Variants in FAM210A observed in about 807,000 individuals in gnomAD.
FAM210A encodes family with sequence similarity 210 member A.
A neutral mutation model predicts 25.3 loss-of-function variants in FAM210A; 13 were observed. The ratio of observed to expected loss-of-function variants is 0.51; its 90% CI spans 0.33 to 0.82. The LOEUF is 0.82. Ranked by LOEUF, FAM210A falls within the 40% of genes least tolerant of loss-of-function variation. The pLI is 0.02. For missense variants in FAM210A, 319 were observed against 323.2 expected (o/e 0.99, Z 0.10); for synonymous variants, 125 against 118.7 (o/e 1.05, Z -0.35).
At chr18:13,698,428 G>A (rs1272615113) in intron 1 of FAM210A, among the ~76,000 whole-genome samples, 3 of 150,596 alleles carry the variant, frequency 2.0e-5, no homozygotes, top group African/African-American at 7.3e-5. Flanking sequence ...GAGAATATCC[G>A]AGGATCCTAA....
In FAM210A at chr18:13,668,099, C is replaced by A. The variant is rs575300844; in HGVS notation, c.586-1386G>T. ...CAAAATGCATAGGTGTGTTGTATAACAAAACTTTGAAAGAGCTGTCTGCTC... is the reference window on the plus strand; with the variant it reads ...CAAAATGCATAGGTGTGTTGTATAAAAAAACTTTGAAAGAGCTGTCTGCTC... On this transcript the variant is annotated intron_variant, in intron 3 of 3. Coordinates refer to ENST00000651643, the MANE Select transcript of FAM210A (RefSeq NM_152352.4). Among the ~76,000 whole-genome samples, 11 of 152,278 alleles carry A rather than the reference C, an allele frequency of 7.2e-5. No homozygotes were observed. In the South Asian group the frequency reaches 2.1e-3, roughly 29 times the overall value.
At chr18:13,678,874 G>C (rs2043525936) in intron 2 of FAM210A, among the ~76,000 whole-genome samples, 1 of 152,192 alleles carries the variant, frequency 6.6e-6, no homozygotes, top group Non-Finnish European at 1.5e-5. Context: ...CAGTGGATCT[G>C]TAACTTTAGG....
intron 2 of FAM210A, among the ~76,000 whole-genome samples, chr18:13,677,695 G>T (rs116846085): frequency 0.01 from 1,532 of 152,188 alleles, 16 homozygotes; most frequent in Non-Finnish European, 0.016. Flanking sequence ...GACAATACGA[G>T]GGGTGGTCTC....
At position 13,680,592 on chromosome 18, in the gene FAM210A, A is replaced by G. The variant is rs550438562; in HGVS notation, c.473+1013T>C. ...AGCTACTTATAGCTTAGTCTGCAAT[A>G]GGCTGCTTCTAAAGAGTGAGCTTTA... On this transcript the variant is annotated intron_variant, in intron 2 of 3. Transcript: ENST00000651643. 2.9e-4 allele frequency among the ~76,000 whole-genome samples: 44 copies of G among 152,362 alleles called. 1 individual carries two copies. Among genetic ancestry groups the G allele is most frequent in the Admixed American group, 2.5e-3 (38 of 15,302 alleles).
intron 3 of FAM210A, among the ~76,000 whole-genome samples, chr18:13,669,138 T>C (rs1332935901): frequency 6.6e-6 from 1 of 152,144 alleles, no homozygotes. Context: ...AGAATCCAAC[T>C]ACTTCCTGCT....
At chr18:13,721,860 A>G (rs957204199) in intron 1 of FAM210A, among the ~76,000 whole-genome samples, 1 of 152,166 alleles carries the variant, frequency 6.6e-6, no homozygotes, top group Non-Finnish European at 1.5e-5. Context: ...ATCTGTGAGA[A>G]GTCTAATTAT....
chr18:13,693,316 C>G (rs1186651767), intron 1 of FAM210A, among the ~76,000 whole-genome samples: 3 of 152,186 alleles, frequency 2.0e-5, no homozygotes, highest in Non-Finnish European at 4.4e-5. Flanking sequence ...ACCAGAGGTA[C>G]AAAGAGGAGC....
chr18:13,725,481 T>A (rs747089297), intron 1 of FAM210A, among the ~76,000 whole-genome samples: 8 of 152,188 alleles, frequency 5.3e-5, no homozygotes, highest in Non-Finnish European at 8.8e-5. Flanking sequence ...TTCATTAATA[T>A]ACCTGTGCCT....
At chr18:13,706,578 A>C (rs1239027541) in intron 1 of FAM210A, among the ~76,000 whole-genome samples, 3 of 152,336 alleles carry the variant, frequency 2.0e-5, no homozygotes, top group South Asian at 2.1e-4. Context: ...CATTGCCAGG[A>C]GGCCTTCACT....
chr18:13,717,762 A>G (rs946624407), intron 1 of FAM210A, among the ~76,000 whole-genome samples: 1 of 152,228 alleles, frequency 6.6e-6, no homozygotes, highest in Non-Finnish European at 1.5e-5. Flanking sequence ...CCAGAATGTC[A>G]GGTTTAAAAA....
chr18:13,671,414 C>A (rs1031397232), intron 3 of FAM210A, among the ~76,000 whole-genome samples: 1 of 152,056 alleles, frequency 6.6e-6, no homozygotes, highest in South Asian at 2.1e-4. Flanking sequence ...CATTTATCAA[C>A]GGGAGCAATG....
intron 1 of FAM210A, among the ~76,000 whole-genome samples, chr18:13,697,037 T>A (rs1328579369): frequency 2.0e-5 from 3 of 152,200 alleles, no homozygotes; most frequent in Non-Finnish European, 4.4e-5. Flanking sequence ...TATTTACATG[T>A]TACAATTGCT....
intron 1 of FAM210A, among the ~76,000 whole-genome samples, chr18:13,715,816 G>C (rs1191232279): frequency 6.6e-6 from 1 of 151,972 alleles, no homozygotes; most frequent in African/African-American, 2.4e-5. Flanking sequence ...TTCCCATTTC[G>C]GCTAAATTTC....
intron 3 of FAM210A, 96 bp downstream of exon 3, chr18:13,671,766 G>A (rs191580000): frequency 3.2e-5 from 22 of 692,402 alleles, no homozygotes; most frequent in East Asian, 1.8e-4. Context: ...TTCAAGTTAC[G>A]AAATACAATT....
chr18:13,700,245 C>A (rs750470869), intron 1 of FAM210A, among the ~76,000 whole-genome samples: 1 of 152,170 alleles, frequency 6.6e-6, no homozygotes, highest in African/African-American at 2.4e-5. Flanking sequence ...AATTTGATAA[C>A]CCTTCCATTG....
chr18:13,674,161 T>C (rs2043471216), intron 2 of FAM210A, among the ~76,000 whole-genome samples: 1 of 150,882 alleles, frequency 6.6e-6, no homozygotes, highest in Non-Finnish European at 1.5e-5. Flanking sequence ...GTTTCCTGAT[T>C]ATTAACATTC....
Position 13,666,392 on chromosome 18 carries a change from C to A in FAM210A, c.*88G>T, listed in dbSNP as rs1400682666. 2 of 1,111,232 alleles carry A rather than the reference C, an allele frequency of 1.8e-6. No homozygotes were observed. Among genetic ancestry groups the A allele is most frequent in the Admixed American group, 5.2e-5 (2 of 38,684 alleles). The allele number at this position is 1,111,232 out of a possible 1,614,324, so 68.8% of individuals were successfully genotyped here. A position where few individuals can be genotyped will look rare whatever the true frequency, so the allele number is the denominator to read the frequency against. The stretch of plus-strand genomic sequence containing the variant: ...GAACTAGTATATTTCGGCAACTAAC[C>A]AAAAAAATAATCAGACACATGTATC... On this transcript the variant is annotated 3_prime_UTR_variant, in exon 4 of 4. Transcript: ENST00000651643.
chr18:13,674,983 C>T (rs1295917194), intron 2 of FAM210A, among the ~76,000 whole-genome samples: 1 of 149,026 alleles, frequency 6.7e-6, no homozygotes, highest in Non-Finnish European at 1.5e-5. Flanking sequence ...TGAGCCCTGG[C>T]TTCTTTATTT....
At position 13,664,225 on chromosome 18, in the gene FAM210A, C is replaced by A. The variant is rs921934710; in HGVS notation, c.*2255G>T. 1 of 152,156 alleles carries A rather than the reference C, an allele frequency of 6.6e-6. No individual in the cohort carries two copies. The highest frequency in any genetic ancestry group is 2.4e-5 in the African/African-American group (1 of 41,442). The allele number at this position is 152,156 out of a possible 1,614,324, so 9.4% of individuals were successfully genotyped here. ...TAACTCATTGTCTATTAGACTAACA[C>A]AACATGATCATGAAACTGGATGGCA... is the stretch of plus-strand genomic sequence containing the variant. On this transcript the variant is annotated 3_prime_UTR_variant, in exon 4 of 4. Transcript: ENST00000651643.
Sources: allele counts gnomAD v4.1 joint callset (sites outside exome capture counted in the v4.1 genomes callset), GRCh38; gene constraint gnomAD v4.1.1; transcripts MANE v1.5; gene names NCBI Gene and HGNC (gene_info 2026-07-23, HGNC 2026-07-21).